TTC28: variants seen among roughly 807,000 people sequenced by gnomAD.
The protein encoded by TTC28 is tetratricopeptide repeat domain 28.
Under a neutral mutation model 198.0 loss-of-function variants are expected in TTC28, and 61 were observed. That is an observed-to-expected ratio of 0.31 (90% CI 0.25 to 0.38). The LOEUF (loss-of-function observed/expected upper bound fraction) is 0.38, where lower values mean the gene tolerates loss of function less well. TTC28 is among the 10% of genes least tolerant of loss of function. The probability of loss-of-function intolerance (pLI) is 1.00; values close to 1 mark genes in which losing one functional copy is unlikely to be tolerated. For synonymous variants in TTC28, 1,171 were observed against 1,297.8 expected (o/e 0.90, Z 2.10); for missense variants, 2,678 against 3,164.0 (o/e 0.85, Z 3.69).
In TTC28 at chr22:28,645,725, T is replaced by C. The variant is rs143413969; in HGVS notation, c.103-15895A>G. Among the ~76,000 whole-genome samples, 942 of 151,402 alleles carry C rather than the reference T, an allele frequency of 6.2e-3. 12 individuals are homozygous for C. Among genetic ancestry groups the C allele is most frequent in the Admixed American group, 0.029 (448 of 15,218 alleles). On this transcript the variant is annotated intron_variant, in intron 1 of 22. Coordinates refer to ENST00000397906, the MANE Select transcript of TTC28 (RefSeq NM_001145418.2). ...TGTGTAAGCCAATAAATGTGACTCA[T>C]GACATAAACAAAATTAAAAACAAAA...
At chr22:28,482,468 A>G (rs2048264834) in intron 2 of TTC28, among the ~76,000 whole-genome samples, 1 of 151,944 alleles carries the variant, frequency 6.6e-6, no homozygotes, top group African/African-American at 2.4e-5. Flanking sequence ...TTGGCTTCCC[A>G]AAGTGCTAAG....
chr22:28,051,729 C>T (rs529454686), intron 12 of TTC28, among the ~76,000 whole-genome samples: 1 of 152,290 alleles, frequency 6.6e-6, no homozygotes, highest in South Asian at 2.1e-4. Flanking sequence ...GGAAACGTCC[C>T]CTGCATTCTA....
rs540934333 is a variant in TTC28 at position 28,173,326 on chromosome 22, C to T, written c.934-9727G>A. 3.3e-3 allele frequency among the ~76,000 whole-genome samples: 498 copies of T among 152,280 alleles called. 3 individuals carry two copies. The highest frequency in any genetic ancestry group is 0.012 in the African/African-American group (480 of 41,552). On this transcript the variant is annotated intron_variant, in intron 5 of 22. Coordinates refer to ENST00000397906, the MANE Select transcript of TTC28 (RefSeq NM_001145418.2). ...AAGACCCACTATCTATGGGGAATCA[C>T]AGGCTCCACCTCAAGCAGATGCTGC...
At chr22:28,076,648 C>T (rs1941179671) in intron 12 of TTC28, among the ~76,000 whole-genome samples, 1 of 152,176 alleles carries the variant, frequency 6.6e-6, no homozygotes, top group East Asian at 1.9e-4. Context: ...GCAACCATAG[C>T]TCACTGCAGG....
At chr22:28,122,110 C>A (rs892128175) in intron 6 of TTC28, among the ~76,000 whole-genome samples, 1 of 152,164 alleles carries the variant, frequency 6.6e-6, no homozygotes, top group Non-Finnish European at 1.5e-5. Context: ...TCAAGTGATC[C>A]GCCATCCTTG....
chr22:28,085,350 C>A (rs1043272996), intron 12 of TTC28, among the ~76,000 whole-genome samples: 1 of 152,060 alleles, frequency 6.6e-6, no homozygotes, highest in African/African-American at 2.4e-5. Flanking sequence ...GAGTGGGGGC[C>A]AATATTCAAC....
intron 12 of TTC28, among the ~76,000 whole-genome samples, chr22:28,064,221 G>A (rs911341334): frequency 1.3e-5 from 2 of 152,160 alleles, no homozygotes; most frequent in African/African-American, 4.8e-5. Context: ...CTCAAGAACT[G>A]AAGATGAAGG....
intron 5 of TTC28, among the ~76,000 whole-genome samples, chr22:28,224,759 C>T (rs767238771): frequency 1.3e-5 from 2 of 152,112 alleles, no homozygotes; most frequent in Non-Finnish European, 2.9e-5. Context: ...CCTCCTGAGG[C>T]CCCAGCTGAA....
At chr22:28,315,895 T>C (rs2045343963) in intron 2 of TTC28, among the ~76,000 whole-genome samples, 1 of 152,130 alleles carries the variant, frequency 6.6e-6, no homozygotes, top group African/African-American at 2.4e-5. Flanking sequence ...GAAAGTTTCA[T>C]AAGTGAAAGA....
At chr22:28,091,284 G>C (rs1941805790) in intron 12 of TTC28, among the ~76,000 whole-genome samples, 1 of 152,230 alleles carries the variant, frequency 6.6e-6, no homozygotes, top group African/African-American at 2.4e-5. Flanking sequence ...GGAAGAGTGA[G>C]ACCAAGGGTA....
At chr22:28,307,726 G>A (rs906253115) in intron 2 of TTC28, among the ~76,000 whole-genome samples, 12 of 152,098 alleles carry the variant, frequency 7.9e-5, no homozygotes, top group African/African-American at 2.4e-4. Flanking sequence ...GACAACATCT[G>A]CTTCTAAAAT....
intron 2 of TTC28, among the ~76,000 whole-genome samples, chr22:28,420,104 C>G (rs1160280133): frequency 6.6e-6 from 1 of 152,152 alleles, no homozygotes; most frequent in East Asian, 1.9e-4. Context: ...GTCATCACCC[C>G]AGATGACTGC....
At chr22:28,045,765 A>G (rs1601555959) in intron 12 of TTC28, among the ~76,000 whole-genome samples, 1 of 152,188 alleles carries the variant, frequency 6.6e-6, no homozygotes. Context: ...GGAGTTCAAG[A>G]CCAGCCTGGC....
At chr22:28,432,331 TATAAA>T (rs1325136710) in intron 2 of TTC28, among the ~76,000 whole-genome samples, 1 of 151,642 alleles carries the variant, frequency 6.6e-6, no homozygotes, top group Admixed American at 6.6e-5. Context: ...AATAAAAAAA[TATAAA>T]ATAAATAGCA....
chr22:28,400,114 G>A (rs2046881706), intron 2 of TTC28, among the ~76,000 whole-genome samples: 1 of 152,118 alleles, frequency 6.6e-6, no homozygotes, highest in Non-Finnish European at 1.5e-5. Flanking sequence ...GATTTCCAAA[G>A]TCAACAATCT....
At chr22:28,125,119 G>A (rs573398805) in intron 6 of TTC28, among the ~76,000 whole-genome samples, 5 of 152,188 alleles carry the variant, frequency 3.3e-5, no homozygotes, top group South Asian at 2.1e-4. Flanking sequence ...TATCATTACC[G>A]TATTACTTGG....
chr22:28,405,079 T>C (rs2046980047), intron 2 of TTC28, among the ~76,000 whole-genome samples: 1 of 152,234 alleles, frequency 6.6e-6, no homozygotes, highest in African/African-American at 2.4e-5. Flanking sequence ...AGGCTCAATT[T>C]ACTTGGTATT....
intron 2 of TTC28, among the ~76,000 whole-genome samples, chr22:28,513,221 T>A (rs975026712): frequency 6.6e-6 from 1 of 152,074 alleles, no homozygotes; most frequent in Non-Finnish European, 1.5e-5. Context: ...TAATGAACAG[T>A]CTGGAAGATA....
At chr22:28,526,528 A>G (rs1228020207) in intron 2 of TTC28, among the ~76,000 whole-genome samples, 2 of 152,210 alleles carry the variant, frequency 1.3e-5, no homozygotes, top group Non-Finnish European at 2.9e-5. Context: ...ATTTGAGAAC[A>G]CACCCAGTCC....
Sources: gnomAD v4.1 joint callset for allele counts (sites outside exome capture counted in the v4.1 genomes callset) on GRCh38, gnomAD v4.1.1 for gene constraint, MANE v1.5 for transcripts, NCBI Gene and HGNC (gene_info 2026-07-23, HGNC 2026-07-21) for gene names.